The following CUX1 variants were observed in gnomAD, a reference collection of about 807,000 sequenced individuals.
CUX1 encodes the protein cut like homeobox 1.
Under a neutral mutation model 158.8 loss-of-function variants are expected in CUX1, and 31 were observed. That is an observed-to-expected ratio of 0.20 (90% CI 0.15 to 0.26). The LOEUF is 0.26. Ranked by LOEUF, CUX1 falls within the 10% of genes least tolerant of loss-of-function variation. The probability of loss-of-function intolerance (pLI) is 1.00; values close to 1 mark genes in which losing one functional copy is unlikely to be tolerated. For synonymous variants in CUX1, 879 were observed against 862.1 expected (o/e 1.02, Z -0.34); for missense variants, 1,589 against 2,014.6 (o/e 0.79, Z 4.04).
At chr7:102,036,381 CA>C (rs1180766309) in intron 3 of CUX1, among the ~76,000 whole-genome samples, 7 of 152,050 alleles carry the variant, frequency 4.6e-5, no homozygotes, top group African/African-American at 1.4e-4. Context: ...ATTGCCCTAC[CA>C]GATTATTAAA....
chr7:102,012,899 T>C (rs965770511), intron 2 of CUX1, among the ~76,000 whole-genome samples: 1 of 152,164 alleles, frequency 6.6e-6, no homozygotes, highest in Admixed American at 6.6e-5. Context: ...TTAAGGAATA[T>C]ATCAAAAGCA....
Position 102,178,502 on chromosome 7 carries a change from C to A in CUX1, c.862C>A (p.Leu288Ile). 1 of 1,612,216 alleles carries A rather than the reference C, an allele frequency of 6.2e-7. No individual in the cohort carries two copies. Among genetic ancestry groups the A allele is most frequent in the South Asian group, 1.1e-5 (1 of 90,946 alleles). The change falls in exon 11 of 24, where the codon CTA becomes ATA. Residue 288 changes from leucine (L) to isoleucine (I), a missense_variant. By Grantham distance (5) the Leu-to-Ile change is conservative. Transcript: ENST00000292535. Reference sequence around the variant, plus strand: ...CATAGAGGTGCTGACCCGCTCCAGCCTAGAAGTTGAGTTGGCCGCCAAGGA... The same window carrying A: ...CATAGAGGTGCTGACCCGCTCCAGCATAGAAGTTGAGTTGGCCGCCAAGGA... The part of the protein sequence containing the change: ...QAIEVLTRSS[L>I]EVELAAKERE...
At chr7:102,085,496 T>C (rs1259431338) in intron 4 of CUX1, among the ~76,000 whole-genome samples, 4 of 152,124 alleles carry the variant, frequency 2.6e-5, no homozygotes, top group African/African-American at 9.7e-5. Context: ...GATCTGATGG[T>C]TTTATAAGGA....
At chr7:101,901,508 T>A (rs2131747314) in intron 1 of CUX1, among the ~76,000 whole-genome samples, 1 of 152,252 alleles carries the variant, frequency 6.6e-6, no homozygotes, top group South Asian at 2.1e-4. Flanking sequence ...TTGGCCAGGC[T>A]GGTCTCGAAC....
intron 2 of CUX1, among the ~76,000 whole-genome samples, chr7:101,919,829 G>T (rs1274003239): frequency 6.6e-6 from 1 of 152,198 alleles, no homozygotes; most frequent in Non-Finnish European, 1.5e-5. Context: ...GGGCTGTGAC[G>T]GGGAGGTGGC....
intron 4 of CUX1, among the ~76,000 whole-genome samples, chr7:102,071,144 C>T (rs908676746): frequency 4.6e-5 from 7 of 151,698 alleles, no homozygotes; most frequent in East Asian, 3.9e-4. Context: ...ACAATGAGTG[C>T]GATGAGGTCT....
chr7:102,030,619 G>A (rs1256342326), intron 3 of CUX1, among the ~76,000 whole-genome samples: 16 of 149,910 alleles, frequency 1.1e-4, no homozygotes, highest in Non-Finnish European at 1.3e-4. Context: ...GGCCCTCCTC[G>A]CAACTGAGGT....
intron 5 of CUX1, among the ~76,000 whole-genome samples, chr7:102,100,062 T>C (rs1554485886): frequency 6.6e-6 from 1 of 152,082 alleles, no homozygotes; most frequent in African/African-American, 2.4e-5. Context: ...GGCAGATCAC[T>C]TGAGGTCATG....
intron 1 of CUX1, among the ~76,000 whole-genome samples, chr7:101,889,277 A>T (rs1048588709): frequency 9.2e-6 from 1 of 108,932 alleles, no homozygotes; most frequent in African/African-American, 4.3e-5. Context: ...AAAAAAAAAA[A>T]GTGCTGAGAG....
intron 23 of CUX1, among the ~76,000 whole-genome samples, chr7:102,243,521 C>T (rs1052473410): frequency 6.6e-6 from 1 of 151,340 alleles, no homozygotes; most frequent in Non-Finnish European, 1.5e-5. Context: ...AACGAGGGGC[C>T]GAGCACAGTG....
intron 2 of CUX1, among the ~76,000 whole-genome samples, chr7:101,968,830 C>T (rs1309071431): frequency 6.6e-6 from 1 of 152,094 alleles, no homozygotes; most frequent in African/African-American, 2.4e-5. Context: ...TATGACTCTG[C>T]AAGGTGACCC....
rs564794300 is a variant in CUX1, at chr7:101,981,713, C to T, written c.142-46385C>T. 4.6e-5 allele frequency among the ~76,000 whole-genome samples: 7 copies of T among 152,038 alleles called. No homozygotes were observed. In the East Asian group the frequency reaches 5.8e-4, roughly 13 times the overall value. On this transcript the variant is annotated intron_variant, in intron 2 of 23. Coordinates refer to ENST00000292535, the MANE Select transcript of CUX1 (RefSeq NM_181552.4). ...GCAACCTCCGCCTCCCTGGTTCAGG[C>T]GATTCTCCTGCCTCCGTCTCCTGAG... is the stretch of plus-strand genomic sequence containing the variant.
chr7:102,216,908 T>C (rs1304281461), intron 20 of CUX1, among the ~76,000 whole-genome samples: 1 of 149,568 alleles, frequency 6.7e-6, no homozygotes, highest in African/African-American at 2.5e-5. Context: ...CACACACACA[T>C]TTGCAGTGAT....
At chr7:101,833,954 C>T (rs895922899) in intron 1 of CUX1, among the ~76,000 whole-genome samples, 8 of 152,024 alleles carry the variant, frequency 5.3e-5, no homozygotes, top group South Asian at 4.1e-4. Context: ...ACACGAGTAC[C>T]GAGTAGGTGG....
chr7:101,884,409 G>A (rs1258020520), intron 1 of CUX1, among the ~76,000 whole-genome samples: 1 of 152,152 alleles, frequency 6.6e-6, no homozygotes, highest in Admixed American at 6.5e-5. Flanking sequence ...TTTCTGTCCG[G>A]TAATTGCTGT....
At chr7:101,918,352 A>G (rs1804488380) in intron 2 of CUX1, among the ~76,000 whole-genome samples, 1 of 152,222 alleles carries the variant, frequency 6.6e-6, no homozygotes, top group Non-Finnish European at 1.5e-5. Flanking sequence ...TCTGATCCCA[A>G]TAAATGGAAG....
chr7:101,940,449 A>C (rs1807572099), intron 2 of CUX1, among the ~76,000 whole-genome samples: 1 of 151,686 alleles, frequency 6.6e-6, no homozygotes, highest in African/African-American at 2.4e-5. Context: ...AGATGGAAGG[A>C]ATAAGGGGTT....
chr7:101,824,400 T>C (rs1394472531), intron 1 of CUX1: 2 of 152,290 alleles, frequency 1.3e-5, no homozygotes, highest in Non-Finnish European at 2.9e-5. Context: ...CCACTCTTTT[T>C]AGACACCTTT....
At chr7:101,831,621 A>C (rs1584687220) in intron 1 of CUX1, among the ~76,000 whole-genome samples, 2 of 151,934 alleles carry the variant, frequency 1.3e-5, no homozygotes, top group East Asian at 3.9e-4. Flanking sequence ...GGGGGATGGA[A>C]GACAAAGGCA....
Sources: gnomAD v4.1 joint callset for allele counts (sites outside exome capture counted in the v4.1 genomes callset) on GRCh38, gnomAD v4.1.1 for gene constraint, MANE v1.5 for transcripts, NCBI Gene and HGNC (gene_info 2026-07-23, HGNC 2026-07-21) for gene names.